SNX33: variants seen among roughly 807,000 people sequenced by gnomAD.
SNX33 encodes the protein sorting nexin-33.
A neutral mutation model predicts 38.8 loss-of-function variants in SNX33; 19 were observed. The ratio of observed to expected loss-of-function variants is 0.49; its 90% confidence interval spans 0.34 to 0.72. The LOEUF (loss-of-function observed/expected upper bound fraction) is 0.72, where lower values mean the gene tolerates loss of function less well. Ranked by LOEUF, SNX33 falls within the 30% of genes least tolerant of loss-of-function variation. The pLI is 0.01. For synonymous variants in SNX33, 246 were observed against 289.7 expected (o/e 0.85, Z 1.53); for missense variants, 641 against 776.4 (o/e 0.83, Z 2.07).
At position 75,648,834 on chromosome 15, in the gene SNX33, A is replaced by T; in HGVS notation, c.-269A>T. The stretch of plus-strand genomic sequence containing the variant: ...CCCTCTAACCCCCCAGAGGCTGCTA[A>T]GGGAGGAGGAGACTGTGGACATGAG... On this transcript the variant is annotated 5_prime_UTR_variant, in exon 1 of 2. In the 5' UTR this introduces an upstream ATG that the reference lacks. Coordinates refer to ENST00000308527, the MANE Select transcript of SNX33 (RefSeq NM_153271.2). This position sits in a 1 kb window ranked among gnomAD's most constrained non-coding sequence, Gnocchi z 4.4. The T allele has an allele frequency of 2.8e-6, 1 of 357,940 alleles. No homozygotes were observed. Among genetic ancestry groups the T allele is most frequent in the Non-Finnish European group, 4.9e-6 (1 of 203,234 alleles). The allele number at this position is 357,940 out of a possible 1,614,324, so 22.2% of individuals were successfully genotyped here.
At position 75,648,062 on chromosome 15, in the gene SNX33, CT is replaced by C; in HGVS notation, c.-1040del. 3 of 985,474 alleles carry C rather than the reference CT, an allele frequency of 3.0e-6. No homozygotes were observed. The highest frequency in any genetic ancestry group is 3.6e-6 in the Non-Finnish European group (3 of 829,954). 61.0% of individuals were successfully genotyped at this position (985,474 alleles called of 1,614,324 possible). A position where few individuals can be genotyped will look rare whatever the true frequency, so the allele number is the denominator to read the frequency against. ...ACGGACAGACGGCTGGCCGCGCCAT[CT>C]GCTCGCCGGAGCTCACTCTCCAAAC... On this transcript the variant is annotated 5_prime_UTR_variant, in exon 1 of 2. Transcript: ENST00000308527. The surrounding 1 kb of genome is among the most constrained non-coding windows in gnomAD (Gnocchi z 4.4).
Position 75,657,560 on chromosome 15 carries a change from G to C in SNX33, c.*345G>C. 2.7e-6 allele frequency: 1 copy of C among 367,886 alleles called. No homozygotes were observed. The allele number at this position is 367,886 out of a possible 1,614,324, so 22.8% of individuals were successfully genotyped here. On this transcript the variant is annotated 3_prime_UTR_variant, in exon 2 of 2. Coordinates refer to ENST00000308527, the MANE Select transcript of SNX33 (RefSeq NM_153271.2). The surrounding 1 kb of genome is among the most constrained non-coding windows in gnomAD (Gnocchi z 5.5). ...TGGCCACTGCTGCCTTATCCATTCA[G>C]CAGACACCGAGGCCTGCTGCACCCT...
Position 75,649,911 on chromosome 15 carries a change from TTGAC to T in SNX33, c.812_815del (p.Asp271GlyfsTer46), listed in dbSNP as rs1470825012. On this transcript the variant is annotated frameshift_variant, in exon 1 of 2. Coordinates refer to ENST00000308527, the MANE Select transcript of SNX33 (RefSeq NM_153271.2). LOFTEE classifies it high-confidence loss of function. The surrounding 1 kb of genome is among the most constrained non-coding windows in gnomAD (Gnocchi z 6.6). ...CCCGTCTACCGGCGCTACAAACACTTTGACTGGCTCTATAACCGCCTGCTACACA... is the reference window on the plus strand; with the variant it reads ...CCCGTCTACCGGCGCTACAAACACTTTGGCTCTATAACCGCCTGCTACACA... 2.5e-6 allele frequency: 4 copies of T among 1,582,488 alleles called. No individual in the cohort carries two copies. Among genetic ancestry groups the T allele is most frequent in the Non-Finnish European group, 3.4e-6 (4 of 1,165,842 alleles).
rs1023883471 is a variant in SNX33, at chr15:75,657,142, G to A, written c.1652G>A (p.Arg551His). ...AAGCACATGATGCAGAACTACTTGC[G>A]CCAGCAGATCCTCTTCTACCAGCGG... ...DFKHMMQNYL[R>H]QQILFYQRVG... The change falls in exon 2 of 2, where the codon CGC becomes CAC. Residue 551 changes from arginine to histidine, a missense_variant. Physicochemically the swap from Arg to His is conservative, Grantham distance 29. Transcript: ENST00000308527. The surrounding 1 kb of genome is among the most constrained non-coding windows in gnomAD (Gnocchi z 5.5). The A allele has an allele frequency of 1.5e-5, 24 of 1,614,034 alleles. No homozygotes were observed. Among genetic ancestry groups the A allele is most frequent in the Non-Finnish European group, 1.8e-5 (21 of 1,180,018 alleles).
rs1212415337 is a variant in SNX33 at position 75,650,621 on chromosome 15, C to G, written c.1471+48C>G. On this transcript the variant is annotated intron_variant, in intron 1 of 1. Coordinates refer to ENST00000308527, the MANE Select transcript of SNX33 (RefSeq NM_153271.2). The surrounding 1 kb of genome is among the most constrained non-coding windows in gnomAD (Gnocchi z 6.1). ...AACTCGTCCTGAGTCTGGCTCTCTG[C>G]TGGGCCCTGGGGAGATGGGGATGGC... is the stretch of plus-strand genomic sequence containing the variant. 1 of 1,538,332 alleles carries G rather than the reference C, an allele frequency of 6.5e-7. No homozygotes were observed. The highest frequency in any genetic ancestry group is 2.0e-5 in the Admixed American group (1 of 50,112).
chr15:75,651,032 G>A (rs186934425), intron 1 of SNX33, among the ~76,000 whole-genome samples: 61 of 152,166 alleles, frequency 4.0e-4, no homozygotes, highest in Non-Finnish European at 7.2e-4. Context: ...TTTGCATCTC[G>A]TTTACCCATC....
chr15:75,657,379 G>T lies in SNX33; in HGVS notation c.*164G>T. 2 of 1,189,216 alleles carry T rather than the reference G, an allele frequency of 1.7e-6. No homozygotes were observed. Among genetic ancestry groups the T allele is most frequent in the Non-Finnish European group, 2.3e-6 (2 of 853,988 alleles). The allele number at this position is 1,189,216 out of a possible 1,614,324, so 73.7% of individuals were successfully genotyped here. ...AGAAGGAGCTTTCAAGGAGTCATGG[G>T]TGCCCCTGGGAAATTCCCCACTCCT... On this transcript the variant is annotated 3_prime_UTR_variant, in exon 2 of 2. Transcript: ENST00000308527. The surrounding 1 kb of genome is among the most constrained non-coding windows in gnomAD (Gnocchi z 5.5).
chr15:75,649,041 G>A lies in SNX33; in HGVS notation c.-62G>A. ...CGAGTGCATTCTTGGACTGCCTTGT[G>A]AGCATCCCCGGTCTGGGCAGGACCC... is the stretch of plus-strand genomic sequence containing the variant. On this transcript the variant is annotated 5_prime_UTR_variant, in exon 1 of 2. Transcript: ENST00000308527. The surrounding 1 kb of genome is among the most constrained non-coding windows in gnomAD (Gnocchi z 6.6). 5 of 1,518,724 alleles carry A rather than the reference G, an allele frequency of 3.3e-6. No homozygotes were observed. The highest frequency in any genetic ancestry group is 4.4e-6 in the Non-Finnish European group (5 of 1,132,412). The allele number at this position is 1,518,724 out of a possible 1,614,324, so 94.1% of individuals were successfully genotyped here.
rs1893533590 is a variant in SNX33 at position 75,649,022 on chromosome 15, C to T, written c.-81C>T. The T allele has an allele frequency of 4.7e-6, 7 of 1,491,320 alleles. No individual in the cohort carries two copies. Among genetic ancestry groups the T allele is most frequent in the Non-Finnish European group, 6.3e-6 (7 of 1,113,892 alleles). 92.4% of individuals were successfully genotyped at this position (1,491,320 alleles called of 1,614,324 possible). On this transcript the variant is annotated 5_prime_UTR_variant, in exon 1 of 2. Coordinates refer to ENST00000308527, the MANE Select transcript of SNX33 (RefSeq NM_153271.2). The surrounding 1 kb of genome is among the most constrained non-coding windows in gnomAD (Gnocchi z 6.6). ...TGTAAGCGCCATTCAGCTGCGAGTG[C>T]ATTCTTGGACTGCCTTGTGAGCATC...
rs896877750 is a variant in SNX33 at position 75,657,322 on chromosome 15, G to C, written c.*107G>C. ...GTGACTGGGGGAGGGGTCAGCGGTG[G>C]GGGAGATAAGCGGCCTGTCCTGCCT... On this transcript the variant is annotated 3_prime_UTR_variant, in exon 2 of 2. Transcript: ENST00000308527. This position sits in a 1 kb window ranked among gnomAD's most constrained non-coding sequence, Gnocchi z 5.5. 1 of 1,542,738 alleles carries C rather than the reference G, an allele frequency of 6.5e-7. No homozygotes were observed. The highest frequency in any genetic ancestry group is 8.8e-7 in the Non-Finnish European group (1 of 1,142,086).
Position 75,650,479 on chromosome 15 carries a change from G to A in SNX33, c.1377G>A (p.Glu459=). The change falls in exon 1 of 2, where the codon GAG becomes GAA. Residue 459 remains glutamate (E), a synonymous_variant. Transcript: ENST00000308527. The surrounding 1 kb of genome is among the most constrained non-coding windows in gnomAD (Gnocchi z 6.1). Reference sequence around the variant, plus strand: ...AAGCCATCGGGGAGATGTTTGCTGAGCAGCCCAAGAATGACCTCTTCCAGA... The same window carrying A: ...AAGCCATCGGGGAGATGTTTGCTGAACAGCCCAAGAATGACCTCTTCCAGA... ...TYEAIGEMFA[E]QPKNDLFQML... 1 of 1,614,126 alleles carries A rather than the reference G, an allele frequency of 6.2e-7. No individual in the cohort carries two copies. The highest frequency in any genetic ancestry group is 8.5e-7 in the Non-Finnish European group (1 of 1,180,030).
In SNX33 at chr15:75,657,325, G is replaced by A; in HGVS notation, c.*110G>A. The A allele has an allele frequency of 2.0e-6, 3 of 1,535,082 alleles. No individual in the cohort carries two copies. The highest frequency in any genetic ancestry group is 2.6e-6 in the Non-Finnish European group (3 of 1,137,026). On this transcript the variant is annotated 3_prime_UTR_variant, in exon 2 of 2. Coordinates refer to ENST00000308527, the MANE Select transcript of SNX33 (RefSeq NM_153271.2). This position sits in a 1 kb window ranked among gnomAD's most constrained non-coding sequence, Gnocchi z 5.5. ...ACTGGGGGAGGGGTCAGCGGTGGGG[G>A]AGATAAGCGGCCTGTCCTGCCTCCT...
Position 75,657,172 on chromosome 15 carries a change from G to A in SNX33, c.1682G>A (p.Gly561Asp), listed in dbSNP as rs1313521978. The change falls in exon 2 of 2, where the codon GGC becomes GAC. Residue 561 changes from glycine to aspartate, a missense_variant. Gly to Asp is a moderately conservative substitution (Grantham distance 94). Transcript: ENST00000308527. This position sits in a 1 kb window ranked among gnomAD's most constrained non-coding sequence, Gnocchi z 5.5. ...RQQILFYQRVGQQLEKTLRMY... is the reference protein window; with the variant it reads ...RQQILFYQRVDQQLEKTLRMY... ...CAGATCCTCTTCTACCAGCGGGTGG[G>A]CCAGCAGCTGGAGAAGACCCTGCGC... 6.2e-7 allele frequency: 1 copy of A among 1,614,120 alleles called. No homozygotes were observed. The highest frequency in any genetic ancestry group is 2.2e-5 in the East Asian group (1 of 44,888).
In SNX33 at chr15:75,649,892, T is replaced by C; in HGVS notation, c.790T>C (p.Tyr264His). ...LTPTHAASPV[Y>H]RRYKHFDWLY... ...ACCCACCCATGCTGCCTCACCCGTC[T>C]ACCGGCGCTACAAACACTTTGACTG... Residue 264 changes from tyrosine to histidine, a missense_variant, in exon 1 of 2, where the codon TAC becomes CAC. Around this residue, in one of 2 missense-constraint regions of SNX33, gnomAD observed 398 missense variants for 542.5 expected, o/e 0.73. Coordinates refer to ENST00000308527, the MANE Select transcript of SNX33 (RefSeq NM_153271.2). This position sits in a 1 kb window ranked among gnomAD's most constrained non-coding sequence, Gnocchi z 6.6. 4 of 1,555,932 alleles carry C rather than the reference T, an allele frequency of 2.6e-6. No individual in the cohort carries two copies. Among genetic ancestry groups the C allele is most frequent in the Non-Finnish European group, 3.5e-6 (4 of 1,153,862 alleles).
chr15:75,649,501 T>C lies in SNX33; in HGVS notation c.399T>C (p.Gly133=). 4 of 1,561,762 alleles carry C rather than the reference T, an allele frequency of 2.6e-6. No homozygotes were observed. Among genetic ancestry groups the C allele is most frequent in the Non-Finnish European group, 3.5e-6 (4 of 1,150,488 alleles). Residue 133 remains glycine (G), a synonymous_variant, in exon 1 of 2, where the codon GGT becomes GGC. Coordinates refer to ENST00000308527, the MANE Select transcript of SNX33 (RefSeq NM_153271.2). The surrounding 1 kb of genome is among the most constrained non-coding windows in gnomAD (Gnocchi z 6.6). ...GCTVVEEPRA[G]GLGTNGHPPL... ...CAGTGGTGGAGGAGCCACGGGCTGG[T>C]GGGCTGGGCACCAACGGGCACCCTC...
At position 75,657,471 on chromosome 15, in the gene SNX33, GGTCA is replaced by G. The variant is rs1415837235; in HGVS notation, c.*263_*266del. ...CCTCGAGGCCAAGGCCTGGGCTGCC[GGTCA>G]GTCAGTGAAGGTCAGGCCAGGGTCT... is the stretch of plus-strand genomic sequence containing the variant. On this transcript the variant is annotated 3_prime_UTR_variant, in exon 2 of 2. Transcript: ENST00000308527. This position sits in a 1 kb window ranked among gnomAD's most constrained non-coding sequence, Gnocchi z 5.5. The G allele has an allele frequency of 3.4e-6, 2 of 594,422 alleles. No individual in the cohort carries two copies. The highest frequency in any genetic ancestry group is 3.1e-5 in the East Asian group (1 of 32,782). The allele number at this position is 594,422 out of a possible 1,614,324, so 36.8% of individuals were successfully genotyped here.
chr15:75,651,560 A>G (rs1893580802), intron 1 of SNX33, among the ~76,000 whole-genome samples: 1 of 152,166 alleles, frequency 6.6e-6, no homozygotes, highest in Non-Finnish European at 1.5e-5. Context: ...GGGGTGCAGA[A>G]TCAGGGGTCC....
In SNX33 at chr15:75,648,875, A is replaced by C; in HGVS notation, c.-228A>C. On this transcript the variant is annotated 5_prime_UTR_variant, in exon 1 of 2. Coordinates refer to ENST00000308527, the MANE Select transcript of SNX33 (RefSeq NM_153271.2). This position sits in a 1 kb window ranked among gnomAD's most constrained non-coding sequence, Gnocchi z 4.4. ...TGGACATGAGCCCTCCCTGCTCACAAGCATATGCCCGGAGACCTGATAGGG... is the reference window on the plus strand; with the variant it reads ...TGGACATGAGCCCTCCCTGCTCACACGCATATGCCCGGAGACCTGATAGGG... 2.2e-6 allele frequency: 1 copy of C among 459,998 alleles called. No individual in the cohort carries two copies. The highest frequency in any genetic ancestry group is 3.7e-6 in the Non-Finnish European group (1 of 271,254). 28.5% of individuals were successfully genotyped at this position (459,998 alleles called of 1,614,324 possible). A position where few individuals can be genotyped will look rare whatever the true frequency, so the allele number is the denominator to read the frequency against.
chr15:75,651,883 C>G (rs892115935), intron 1 of SNX33, among the ~76,000 whole-genome samples: 1 of 152,242 alleles, frequency 6.6e-6, no homozygotes, highest in Non-Finnish European at 1.5e-5. Flanking sequence ...CCCACCACCA[C>G]CAGGGAGGGC....
Sources: gnomAD v4.1 joint callset for allele counts (sites outside exome capture counted in the v4.1 genomes callset) on GRCh38, gnomAD v4.1.1 for gene constraint, gnomAD v4.1.1 regional missense constraint, Gnocchi (gnomAD v3.1) non-coding constraint, MANE v1.5 for transcripts, NCBI Gene and HGNC (gene_info 2026-07-23, HGNC 2026-07-21) for gene names.